The following PINX1 variants were observed in gnomAD, a reference collection of about 807,000 sequenced individuals.
PINX1 encodes PIN2/TERF1-interacting telomerase inhibitor 1.
A neutral mutation model predicts 25.4 loss-of-function variants in PINX1; 34 were observed. The observed-to-expected ratio is 1.34, with a 90% CI of 1.02 to 1.78. The LOEUF (loss-of-function observed/expected upper bound fraction) is 1.78. Among genes scored for constraint, PINX1 ranks in the 40% most tolerant of loss-of-function variants. The probability of loss-of-function intolerance (pLI) is 0.00; values close to 1 mark genes in which losing one functional copy is unlikely to be tolerated. For synonymous variants in PINX1, 197 were observed against 147.7 expected (o/e 1.33, Z -2.42); for missense variants, 592 against 404.9 (o/e 1.46, Z -3.97).
intron 6 of PINX1, among the ~76,000 whole-genome samples, chr8:10,806,532 T>A (rs542516851): frequency 3.3e-5 from 5 of 152,188 alleles, no homozygotes; most frequent in Admixed American, 6.5e-5. Context: ...AAATGATGGA[T>A]GAGAAAAGGG....
At chr8:10,828,335 A>C (rs1563236294) in intron 4 of PINX1, among the ~76,000 whole-genome samples, 1 of 152,236 alleles carries the variant, frequency 6.6e-6, no homozygotes, top group Non-Finnish European at 1.5e-5. Flanking sequence ...TTATCAGCTT[A>C]AAGCGGCTCC....
At chr8:10,833,998 A>G (rs1798313677) in intron 2 of PINX1, among the ~76,000 whole-genome samples, 2 of 152,228 alleles carry the variant, frequency 1.3e-5, no homozygotes, top group Admixed American at 1.3e-4. Flanking sequence ...AGCTCAGAGG[A>G]CAGAACTGGA....
rs753518026 is a variant in PINX1 at position 10,832,852 on chromosome 8, A to G, written c.222+40T>C. ...TTTCAGATTTACAAGACTGAAGCCA[A>G]TTATGCAAAGACACCCAGGAGGCAC... On this transcript the variant is annotated intron_variant, in intron 3 of 6. Coordinates refer to ENST00000314787, the MANE Select transcript of PINX1 (RefSeq NM_017884.6). 23 of 1,226,872 alleles carry G rather than the reference A, an allele frequency of 1.9e-5. No homozygotes were observed. In the African/African-American group the frequency reaches 3.4e-4, roughly 18 times the overall value. The allele number at this position is 1,226,872 out of a possible 1,614,324, so 76.0% of individuals were successfully genotyped here.
chr8:10,820,579 C>G (rs1544981), intron 5 of PINX1, among the ~76,000 whole-genome samples: 1 of 152,084 alleles, frequency 6.6e-6, no homozygotes, highest in Non-Finnish European at 1.5e-5. Flanking sequence ...CCGCTATGCC[C>G]TCAAGATGCA....
intron 6 of PINX1, among the ~76,000 whole-genome samples, chr8:10,797,771 G>T (rs1473072644): frequency 6.6e-6 from 1 of 152,172 alleles, no homozygotes; most frequent in Non-Finnish European, 1.5e-5. Flanking sequence ...CAGTCACAGA[G>T]ATGTATTAAC....
chr8:10,799,584 G>A (rs1802200172), intron 6 of PINX1, among the ~76,000 whole-genome samples: 1 of 152,194 alleles, frequency 6.6e-6, no homozygotes, highest in Non-Finnish European at 1.5e-5. Flanking sequence ...GCCTGACTGG[G>A]AGAAAGCATT....
chr8:10,816,958 G>A (rs557489570), intron 6 of PINX1, among the ~76,000 whole-genome samples: 12 of 152,310 alleles, frequency 7.9e-5, no homozygotes, highest in African/African-American at 2.6e-4. Context: ...AGGATGAAAT[G>A]AGAAAAATCC....
At chr8:10,773,140 C>T (rs748692330) in intron 6 of PINX1, among the ~76,000 whole-genome samples, 3 of 152,120 alleles carry the variant, frequency 2.0e-5, no homozygotes, top group East Asian at 1.9e-4. Flanking sequence ...ATTATAAAAT[C>T]GGCTCTGTGA....
chr8:10,826,034 T>C (rs1798026827), intron 5 of PINX1, 118 bp downstream of exon 5: 7 of 605,530 alleles, frequency 1.2e-5, no homozygotes, highest in African/African-American at 3.8e-5. Flanking sequence ...TTCACAGCAA[T>C]GCAGTCGGAG....
At chr8:10,776,130 T>C (rs924271896) in intron 6 of PINX1, among the ~76,000 whole-genome samples, 2 of 152,084 alleles carry the variant, frequency 1.3e-5, no homozygotes, top group African/African-American at 2.4e-5. Context: ...CTTTCGAGAA[T>C]AAAATTGGTC....
chr8:10,789,949 C>G (rs1259479217), intron 6 of PINX1, among the ~76,000 whole-genome samples: 3 of 152,180 alleles, frequency 2.0e-5, no homozygotes, highest in Non-Finnish European at 4.4e-5. Context: ...AAATTAAAAA[C>G]TCACACCGAA....
intron 6 of PINX1, among the ~76,000 whole-genome samples, chr8:10,817,080 T>C (rs1338805404): frequency 1.3e-5 from 2 of 152,216 alleles, no homozygotes; most frequent in African/African-American, 4.8e-5. Context: ...GTGATGCTGT[T>C]ACCCAAGCCA....
At chr8:10,831,270 T>C (rs372018062) in intron 4 of PINX1, among the ~76,000 whole-genome samples, 1 of 152,200 alleles carries the variant, frequency 6.6e-6, no homozygotes, top group Admixed American at 6.5e-5. Context: ...ATAGTGGTTA[T>C]TAGAGCTGCG....
At chr8:10,767,788 G>A (rs367744854) in intron 6 of PINX1, among the ~76,000 whole-genome samples, 20 of 111,000 alleles carry the variant, frequency 1.8e-4, no homozygotes, top group Admixed American at 6.9e-4. Flanking sequence ...TCGGTGACCA[G>A]GCACCCTCAC....
intron 6 of PINX1, among the ~76,000 whole-genome samples, chr8:10,770,107 T>A (rs1801177561): frequency 6.6e-6 from 1 of 152,232 alleles, no homozygotes; most frequent in Non-Finnish European, 1.5e-5. Context: ...TTGACTGTTT[T>A]AAAGCACAGA....
chr8:10,834,858 G>T (rs1423057688), intron 1 of PINX1, 83 bp from the exon 2 acceptor site: 2 of 842,076 alleles, frequency 2.4e-6, no homozygotes, highest in Non-Finnish European at 3.8e-6. Context: ...ACAACTTTGT[G>T]TATTTTATGT....
At chr8:10,767,843 C>T (rs568331064) in intron 6 of PINX1, among the ~76,000 whole-genome samples, 2 of 88,018 alleles carry the variant, frequency 2.3e-5, no homozygotes. Context: ...CTCACAGCCA[C>T]ACAGAGACAG....
intron 6 of PINX1, among the ~76,000 whole-genome samples, chr8:10,812,669 G>A (rs1797564694): frequency 6.6e-6 from 1 of 152,196 alleles, no homozygotes; most frequent in African/African-American, 2.4e-5. Flanking sequence ...CACTGTCCCT[G>A]AAGGCAATTC....
chr8:10,787,851 T>TGA (rs1427508888), intron 6 of PINX1: 1 of 455,882 alleles, frequency 2.2e-6, no homozygotes, highest in African/African-American at 2.0e-5. Flanking sequence ...AGAGAAGGAA[T>TGA]GAGAACCTAT....
Sources: allele counts gnomAD v4.1 joint callset (sites outside exome capture counted in the v4.1 genomes callset), GRCh38; gene constraint gnomAD v4.1.1; transcripts MANE v1.5; gene names NCBI Gene and HGNC (gene_info 2026-07-23, HGNC 2026-07-21).